The following CCHCR1 variants were observed in gnomAD, a reference collection of about 807,000 sequenced individuals.
CCHCR1 encodes the protein coiled-coil alpha-helical rod protein 1.
A neutral mutation model predicts 114.6 loss-of-function variants in CCHCR1; 91 were observed. That is an observed-to-expected ratio of 0.79 (90% CI 0.67 to 0.94). The LOEUF (loss-of-function observed/expected upper bound fraction) is 0.94, where lower values mean the gene tolerates loss of function less well. Ranked by LOEUF, CCHCR1 falls within the 40% of genes least tolerant of loss-of-function variation. The pLI is 0.00. For synonymous variants in CCHCR1, 379 were observed against 428.5 expected (o/e 0.88, Z 1.43); for missense variants, 899 against 1,079.9 (o/e 0.83, Z 2.35).
chr6:31,144,866 C>T lies in CCHCR1; in HGVS notation c.2065+19G>A, dbSNP rs1230722946. The T allele has an allele frequency of 1.2e-6, 2 of 1,610,050 alleles. No individual in the cohort carries two copies. The highest frequency in any genetic ancestry group is 2.2e-5 in the South Asian group (2 of 90,954). On this transcript the variant is annotated intron_variant, in intron 14 of 17. Coordinates refer to ENST00000396268, the MANE Select transcript of CCHCR1 (RefSeq NM_001105564.2). This position sits in a 1 kb window ranked among gnomAD's most constrained non-coding sequence, Gnocchi z 4.6. Reference sequence around the variant, plus strand: ...CCCACCCCACCCTCCAAGGGAAGCACCCATTTCCCTCTCGACACCTTGCCC... The same window carrying T: ...CCCACCCCACCCTCCAAGGGAAGCATCCATTTCCCTCTCGACACCTTGCCC...
chr6:31,143,020 C>G lies in CCHCR1; in HGVS notation c.2434G>C (p.Glu812Gln). The G allele has an allele frequency of 6.2e-7, 1 of 1,613,066 alleles. No homozygotes were observed. The highest frequency in any genetic ancestry group is 8.5e-7 in the Non-Finnish European group (1 of 1,180,036). The part of the protein sequence containing the change: ...KSVVSSPRPP[E>Q]CSASAPVAAA... ...GCTACAGGTGCAGATGCTGAACACT[C>G]TGGAGGCCTGGGGCTGGACACCACA... The change falls in exon 17 of 18, where the codon GAG (glutamate) becomes CAG (glutamine). Residue 812 changes from glutamate (E) to glutamine (Q), a missense_variant. Transcript: ENST00000396268. The surrounding 1 kb of genome is among the most constrained non-coding windows in gnomAD (Gnocchi z 5.3).
Position 31,150,160 on chromosome 6 carries a change from A to T in CCHCR1, c.1268T>A (p.Leu423Gln). The T allele has an allele frequency of 6.2e-7, 1 of 1,614,206 alleles. No individual in the cohort carries two copies. Among genetic ancestry groups the T allele is most frequent in the Non-Finnish European group, 8.5e-7 (1 of 1,180,012 alleles). The change falls in exon 8 of 18, where the codon CTG (leucine) becomes CAG (glutamine). Residue 423 changes from leucine (L) to glutamine (Q), a missense_variant. Coordinates refer to ENST00000396268, the MANE Select transcript of CCHCR1 (RefSeq NM_001105564.2). This position sits in a 1 kb window ranked among gnomAD's most constrained non-coding sequence, Gnocchi z 5.3. ...AAACACCTTCTCCCGCCAGCGGTTCAGCAGGGACTGGCACTTCCTGGTAAA... is the reference window on the plus strand; with the variant it reads ...AAACACCTTCTCCCGCCAGCGGTTCTGCAGGGACTGGCACTTCCTGGTAAA... The part of the protein sequence containing the change: ...PEFTRKCQSL[L>Q]NRWREKVFAL...
Position 31,157,504 on chromosome 6 carries a change from A to G in CCHCR1, c.97T>C (p.Ser33Pro). The G allele has an allele frequency of 1.2e-6, 2 of 1,613,014 alleles. No homozygotes were observed. The highest frequency in any genetic ancestry group is 1.7e-6 in the Non-Finnish European group (2 of 1,180,004). ...TCTCTCCATGGCTCAGCAAGGCCTG[A>G]GGGAAGCCCATCCAGACACCAGCAG... ...MACWCLDGLPSGLAEPWRELW... is the reference protein window; with the variant it reads ...MACWCLDGLPPGLAEPWRELW... The change falls in exon 1 of 18, where the codon TCA (serine) becomes CCA (proline). Residue 33 changes from serine to proline, a missense_variant. Ser to Pro is a moderately conservative substitution (Grantham distance 74). Transcript: ENST00000396268.
chr6:31,148,976 A>G (rs1774782170), intron 8 of CCHCR1, among the ~76,000 whole-genome samples: 1 of 152,020 alleles, frequency 6.6e-6, no homozygotes, highest in Non-Finnish European at 1.5e-5. Flanking sequence ...ACATGGTGAA[A>G]GCCTGTCTCT....
Position 31,145,730 on chromosome 6 carries a change from G to C in CCHCR1, c.1659C>G (p.Leu553=). ...TGTGGACCTTGCGGACAGCATAGCT[G>C]AGTCGGTTGTTGAGGCTGGGAAGCT... ...AAQLPSLNNR[L]SYAVRKVHTI... is the part of the protein sequence containing the mutation. The change falls in exon 11 of 18, where the codon CTC becomes CTG. Residue 553 remains leucine (L), a synonymous_variant. Coordinates refer to ENST00000396268, the MANE Select transcript of CCHCR1 (RefSeq NM_001105564.2). 1 of 1,613,748 alleles carries C rather than the reference G, an allele frequency of 6.2e-7. No homozygotes were observed. The highest frequency in any genetic ancestry group is 8.5e-7 in the Non-Finnish European group (1 of 1,179,966).
chr6:31,143,986 G>A lies in CCHCR1; in HGVS notation c.2168-573C>T. ...AGCCAGGAGAATGGCTTGAACCCGGGAGGCAGAGGTCACAGTGAGCCAAGA... is the reference window on the plus strand; with the variant it reads ...AGCCAGGAGAATGGCTTGAACCCGGAAGGCAGAGGTCACAGTGAGCCAAGA... On this transcript the variant is annotated intron_variant, in intron 15 of 17. Transcript: ENST00000396268. This position sits in a 1 kb window ranked among gnomAD's most constrained non-coding sequence, Gnocchi z 5.3. Among the ~76,000 whole-genome samples the A allele has an allele frequency of 6.6e-6, 1 of 152,164 alleles. No homozygotes were observed. The highest frequency in any genetic ancestry group is 1.9e-4 in the East Asian group (1 of 5,180).
rs762016752 is a variant in CCHCR1 at position 31,150,222 on chromosome 6, GAGA to G, written c.1213-10_1213-8del. ...GGGAATCTGAAGGTTGAACCTGAGG[GAGA>G]AGGAGTGGGAGAAAAGTGTGGGCTC... On this transcript the variant is annotated splice_region_variant and splice_polypyrimidine_tract_variant and intron_variant, in intron 7 of 17. Transcript: ENST00000396268. This position sits in a 1 kb window ranked among gnomAD's most constrained non-coding sequence, Gnocchi z 5.3. 11 of 1,613,908 alleles carry G rather than the reference GAGA, an allele frequency of 6.8e-6. No homozygotes were observed. Among genetic ancestry groups the G allele is most frequent in the Non-Finnish European group, 9.3e-6 (11 of 1,179,874 alleles).
At chr6:31,142,779 C>A in intron 17 of CCHCR1, 63 bp from the exon 18 acceptor site, 1 of 1,577,164 alleles carries the variant, frequency 6.3e-7, no homozygotes, top group Non-Finnish European at 8.6e-7. Flanking sequence ...ACAGAGGAAA[C>A]AGGGCTGGCA....
rs767726838 is a variant in CCHCR1, at chr6:31,142,611, T to C, written c.2597A>G (p.Asn866Ser). 2.5e-6 allele frequency: 4 copies of C among 1,613,180 alleles called. No homozygotes were observed. In the Admixed American group the frequency reaches 5.0e-5, roughly 20 times the overall value. Reference sequence around the variant, plus strand: ...AGCTGCTTAGCTGCTCATCTGGGGATTGGAGCTGGAGCATCTGTCAAGGTT... The same window carrying C: ...AGCTGCTTAGCTGCTCATCTGGGGACTGGAGCTGGAGCATCTGTCAAGGTT... ...GDNLDRCSSS[N>S]PQMSS Residue 866 changes from asparagine to serine, a missense_variant, in exon 18 of 18, where the codon AAT becomes AGT. Coordinates refer to ENST00000396268, the MANE Select transcript of CCHCR1 (RefSeq NM_001105564.2).
In CCHCR1 at chr6:31,143,139, G is replaced by A. The variant is rs752344469; in HGVS notation, c.2320-5C>T. 64 of 1,612,662 alleles carry A rather than the reference G, an allele frequency of 4.0e-5. 1 individual carries two copies. Among genetic ancestry groups the A allele is most frequent in the Middle Eastern group, 3.3e-4 (2 of 6,084 alleles). On this transcript the variant is annotated splice_polypyrimidine_tract_variant and splice_region_variant and intron_variant, in intron 16 of 17. Coordinates refer to ENST00000396268, the MANE Select transcript of CCHCR1 (RefSeq NM_001105564.2). The surrounding 1 kb of genome is among the most constrained non-coding windows in gnomAD (Gnocchi z 5.3). ...ACCTTCCTGCTGCAAGGTGGCCTGGGAAGGAGAGGGTTAAACCTAGCCCGG... is the reference window on the plus strand; with the variant it reads ...ACCTTCCTGCTGCAAGGTGGCCTGGAAAGGAGAGGGTTAAACCTAGCCCGG...
rs1561824821 is a variant in CCHCR1 at position 31,154,957 on chromosome 6, ACAT to A, written c.498-161_498-159del. ...CTGGGGTATGGGGATGTCTGCATTG[ACAT>A]CATCATCATTCATCAAAGCCCTATT... On this transcript the variant is annotated intron_variant, in intron 3 of 17. Coordinates refer to ENST00000396268, the MANE Select transcript of CCHCR1 (RefSeq NM_001105564.2). This position sits in a 1 kb window ranked among gnomAD's most constrained non-coding sequence, Gnocchi z 4.1. Among the ~76,000 whole-genome samples, 1 of 152,052 alleles carries A rather than the reference ACAT, an allele frequency of 6.6e-6. No homozygotes were observed. Among genetic ancestry groups the A allele is most frequent in the African/African-American group, 2.4e-5 (1 of 41,380 alleles).
rs1231488810 is a variant in CCHCR1, at chr6:31,157,562, G to A, written c.39C>T (p.Ser13=). ...PHSAGARPWA[S]TLTGKDPRVM... ...CTCTTGGGTCCTTCCCTGTTAAAGT[G>A]CTGGCCCAAGGCCTGGCCCCAGCTG... is the stretch of plus-strand genomic sequence containing the variant. The change falls in exon 1 of 18, where the codon AGC becomes AGT. Residue 13 remains serine (S), a synonymous_variant. Coordinates refer to ENST00000396268, the MANE Select transcript of CCHCR1 (RefSeq NM_001105564.2). 1 of 1,612,624 alleles carries A rather than the reference G, an allele frequency of 6.2e-7. No homozygotes were observed. Among genetic ancestry groups the A allele is most frequent in the Non-Finnish European group, 8.5e-7 (1 of 1,179,954 alleles).
chr6:31,145,810 T>C lies in CCHCR1; in HGVS notation c.1581-2A>G, dbSNP rs775373863. 4 of 1,597,622 alleles carry C rather than the reference T, an allele frequency of 2.5e-6. No individual in the cohort carries two copies. Among genetic ancestry groups the C allele is most frequent in the Non-Finnish European group, 3.4e-6 (4 of 1,165,936 alleles). The stretch of plus-strand genomic sequence containing the variant: ...GTGGTCTCGAGCCAGATCTGAGAGC[T>C]GGAGAGGGCACAAGTCACTGATCCT... On this transcript the variant is annotated splice_acceptor_variant, in intron 10 of 17. Coordinates refer to ENST00000396268, the MANE Select transcript of CCHCR1 (RefSeq NM_001105564.2). LOFTEE classifies it high-confidence loss of function.
intron 3 of CCHCR1, among the ~76,000 whole-genome samples, chr6:31,155,288 T>C (rs1339720576): frequency 1.3e-5 from 2 of 152,098 alleles, no homozygotes; most frequent in African/African-American, 4.8e-5. Context: ...AGTATCAATA[T>C]GGTGAGGCCA....
intron 17 of CCHCR1, 39 bp downstream of exon 17, chr6:31,142,924 G>A (rs767481310): frequency 6.3e-6 from 10 of 1,593,176 alleles, no homozygotes; most frequent in Middle Eastern, 2.0e-4. Context: ...CCTGAAGTGC[G>A]CGCATTTGTC....
intron 10 of CCHCR1, among the ~76,000 whole-genome samples, chr6:31,147,454 AG>A (rs893871693): frequency 6.6e-6 from 1 of 151,222 alleles, no homozygotes; most frequent in Admixed American, 6.6e-5. Context: ...TCAGTGTCTA[AG>A]GCTGAGGGGA....
chr6:31,152,297 AC>A (rs869071677), intron 4 of CCHCR1, among the ~76,000 whole-genome samples: 154 of 145,704 alleles, frequency 1.1e-3, no homozygotes, highest in Non-Finnish European at 1.9e-3. Flanking sequence ...AAAAAAAAAA[AC>A]AACCTTTCAA....
In CCHCR1 at chr6:31,151,645, C is replaced by T. The variant is rs1265110; in HGVS notation, c.802-523G>A. ...GTGGCTTCACTGGGCCCTCTAATAC[C>T]GTCCCTCCCCACCCTACTCTGCCCC... On this transcript the variant is annotated intron_variant, in intron 4 of 17. Coordinates refer to ENST00000396268, the MANE Select transcript of CCHCR1 (RefSeq NM_001105564.2). The surrounding 1 kb of genome is among the most constrained non-coding windows in gnomAD (Gnocchi z 4.1). Among the ~76,000 whole-genome samples, 21,814 of 152,168 alleles carry T rather than the reference C, an allele frequency of 0.14. 1,719 individuals carry two copies. Among genetic ancestry groups the T allele is most frequent in the East Asian group, 0.3 (1,542 of 5,152 alleles).
chr6:31,157,436 A>T lies in CCHCR1; in HGVS notation c.165T>A (p.Pro55=). ...TGCTGCTCCTGGCCAGAGGTGAGAA[A>T]GGAGGTACACAGTGCAGGGGTCTTG... The part of the protein sequence containing the change: ...WRSRPLHCVP[P]FSPLARSSRD... Residue 55 remains proline, a synonymous_variant, in exon 1 of 18, where the codon CCT becomes CCA. Transcript: ENST00000396268. 6.2e-7 allele frequency: 1 copy of T among 1,613,060 alleles called. No homozygotes were observed. Among genetic ancestry groups the T allele is most frequent in the Non-Finnish European group, 8.5e-7 (1 of 1,180,034 alleles).
Sources: gnomAD v4.1 joint callset for allele counts (sites outside exome capture counted in the v4.1 genomes callset) on GRCh38, gnomAD v4.1.1 for gene constraint, Gnocchi (gnomAD v3.1) non-coding constraint, MANE v1.5 for transcripts, NCBI Gene and HGNC (gene_info 2026-07-23, HGNC 2026-07-21) for gene names.